The following MAP3K7 variants were observed in gnomAD, a reference collection of about 807,000 sequenced individuals.
The protein encoded by MAP3K7 is TGF-beta activated kinase 1.
In MAP3K7, 21 loss-of-function variants were observed where a neutral mutation model predicts 84.8. The ratio of observed to expected loss-of-function variants is 0.25; its 90% confidence interval spans 0.18 to 0.36. The LOEUF is 0.36. MAP3K7 is among the 10% of genes least tolerant of loss of function. The pLI, the probability that MAP3K7 is intolerant of heterozygous loss-of-function variation, is 1.00. For synonymous variants in MAP3K7, 241 were observed against 247.7 expected (o/e 0.97, Z 0.25); for missense variants, 503 against 747.7 (o/e 0.67, Z 3.82).
At chr6:90,551,808 C>A in intron 8 of MAP3K7, 1 of 360,478 alleles carries the variant, frequency 2.8e-6, no homozygotes. Flanking sequence ...CTAATGTAAG[C>A]AAAAAGAAAA....
Position 90,541,283 on chromosome 6 carries a change from T to C in MAP3K7, c.1291+3269A>G, listed in dbSNP as rs531629474. On this transcript the variant is annotated intron_variant, in intron 12 of 16. Coordinates refer to ENST00000369329, the MANE Select transcript of MAP3K7 (RefSeq NM_145331.3). ...AATCTATTTCTTTTCTCGAAGTCCC[T>C]TCCAACTTACCAGCAAGCAAATGCA... 4.6e-5 allele frequency among the ~76,000 whole-genome samples: 7 copies of C among 152,126 alleles called. No individual in the cohort carries two copies. In the East Asian group the frequency reaches 1.4e-3, roughly 29 times the overall value.
chr6:90,555,150 C>T (rs1401613536), intron 6 of MAP3K7, among the ~76,000 whole-genome samples: 2 of 152,138 alleles, frequency 1.3e-5, no homozygotes, highest in Non-Finnish European at 2.9e-5. Flanking sequence ...AATTTACAGA[C>T]AACTCTTTTA....
intron 8 of MAP3K7, chr6:90,551,529 C>G (rs1047801589): frequency 1.3e-5 from 2 of 152,052 alleles, no homozygotes. Flanking sequence ...GAAAGTTTAA[C>G]TTTTTACTGG....
intron 5 of MAP3K7, among the ~76,000 whole-genome samples, chr6:90,557,910 A>G (rs904143352): frequency 1.1e-4 from 16 of 152,226 alleles, no homozygotes; most frequent in Non-Finnish European, 4.4e-5. Context: ...ATACAAGCAC[A>G]AGCACAACTT....
At chr6:90,552,802 A>C (rs973500420) in intron 7 of MAP3K7, among the ~76,000 whole-genome samples, 5 of 152,248 alleles carry the variant, frequency 3.3e-5, no homozygotes, top group Non-Finnish European at 7.3e-5. Context: ...GAAACAGGAC[A>C]GATGCAAGGA....
intron 6 of MAP3K7, 56 bp downstream of exon 6, chr6:90,556,444 T>A (rs1026523138): frequency 6.4e-7 from 1 of 1,561,158 alleles, no homozygotes; most frequent in East Asian, 2.3e-5. Flanking sequence ...TAAAAACATA[T>A]GAATTCACAA....
intron 14 of MAP3K7, among the ~76,000 whole-genome samples, chr6:90,521,772 T>C (rs1233274414): frequency 6.6e-6 from 1 of 151,910 alleles, no homozygotes; most frequent in African/African-American, 2.4e-5. Context: ...CTAGATCCTC[T>C]CAGTATGTGT....
intron 1 of MAP3K7, among the ~76,000 whole-genome samples, chr6:90,580,492 A>G (rs28667774): frequency 6.6e-6 from 1 of 152,248 alleles, no homozygotes; most frequent in South Asian, 2.1e-4. Flanking sequence ...TTTGTTTTTT[A>G]AAATTTTTTA....
intron 3 of MAP3K7, among the ~76,000 whole-genome samples, chr6:90,565,154 G>A (rs1004798699): frequency 1.3e-5 from 2 of 152,002 alleles, no homozygotes; most frequent in Non-Finnish European, 2.9e-5. Flanking sequence ...AAGAACTAGA[G>A]AAGCAAGAGC....
chr6:90,527,050 T>G (rs1775344409), intron 13 of MAP3K7, among the ~76,000 whole-genome samples: 2 of 152,172 alleles, frequency 1.3e-5, no homozygotes, highest in African/African-American at 4.8e-5. Flanking sequence ...TAAAAACCAT[T>G]TAAAAAGTTT....
chr6:90,573,785 A>T lies in MAP3K7; in HGVS notation c.121-1978T>A, dbSNP rs757406291. ...CAGCTTCTGTTCATCAGTGGCTTAA[A>T]GGAAATGGGGCTGCCTCTAGGCAAA... On this transcript the variant is annotated intron_variant, in intron 1 of 16. Coordinates refer to ENST00000369329, the MANE Select transcript of MAP3K7 (RefSeq NM_145331.3). Among the ~76,000 whole-genome samples the T allele has an allele frequency of 3.6e-4, 55 of 152,260 alleles. 1 individual carries two copies. Among genetic ancestry groups the T allele is most frequent in the Non-Finnish European group, 1.0e-4 (7 of 68,050 alleles).
At chr6:90,555,829 A>T (rs1214669678) in intron 6 of MAP3K7, among the ~76,000 whole-genome samples, 2 of 152,132 alleles carry the variant, frequency 1.3e-5, no homozygotes, top group Admixed American at 1.3e-4. Flanking sequence ...CACCTTATTC[A>T]TATATACTGT....
chr6:90,558,531 G>C (rs1776408457), intron 5 of MAP3K7, among the ~76,000 whole-genome samples: 1 of 152,058 alleles, frequency 6.6e-6, no homozygotes, highest in African/African-American at 2.4e-5. Context: ...CAATCATGGA[G>C]AGGCCTGGAA....
In MAP3K7 at chr6:90,587,014, CG is replaced by C; in HGVS notation, c.-132del. The C allele has an allele frequency of 1.7e-6, 2 of 1,158,204 alleles. No homozygotes were observed. The highest frequency in any genetic ancestry group is 1.1e-6 in the Non-Finnish European group (1 of 876,804). 71.7% of individuals were successfully genotyped at this position (1,158,204 alleles called of 1,614,324 possible). On this transcript the variant is annotated 5_prime_UTR_variant, in exon 1 of 17. Coordinates refer to ENST00000369329, the MANE Select transcript of MAP3K7 (RefSeq NM_145331.3). ...AGTCCTACTACCCGGCGATCCGTGG[CG>C]GGGGTAGAGGCAGCGGCCACAGCCG...
chr6:90,544,700 T>A, intron 11 of MAP3K7, 68 bp from the exon 12 acceptor site: 1 of 1,259,960 alleles, frequency 7.9e-7, no homozygotes, highest in Non-Finnish European at 1.2e-6. Context: ...AATGATTAAC[T>A]ACAAAAATAG....
chr6:90,521,248 AGTT>A lies in MAP3K7; in HGVS notation c.1463-1932_1463-1930del, dbSNP rs544389588. On this transcript the variant is annotated intron_variant, in intron 14 of 16. Coordinates refer to ENST00000369329, the MANE Select transcript of MAP3K7 (RefSeq NM_145331.3). ...ACAGATCGGAAGATTATTTAATGAA[AGTT>A]TTTTGCGTGTGTGTGTGTGTGTGTG... 1.4e-3 allele frequency among the ~76,000 whole-genome samples: 176 copies of A among 125,466 alleles called. 1 individual carries two copies. Among genetic ancestry groups the A allele is most frequent in the African/African-American group, 4.9e-3 (154 of 31,498 alleles). 82.3% of individuals were successfully genotyped at this position (125,466 alleles called of 152,430 possible).
At chr6:90,530,157 C>A (rs748560480) in intron 13 of MAP3K7, among the ~76,000 whole-genome samples, 34 of 152,168 alleles carry the variant, frequency 2.2e-4, no homozygotes, top group Non-Finnish European at 4.0e-4. Flanking sequence ...AAATCAAAGG[C>A]ATTTTTCCTT....
intron 1 of MAP3K7, among the ~76,000 whole-genome samples, chr6:90,583,236 T>A (rs1374176925): frequency 1.3e-5 from 2 of 152,160 alleles, no homozygotes; most frequent in African/African-American, 2.4e-5. Context: ...GAATGTTCAT[T>A]AAATGCTCAG....
intron 14 of MAP3K7, among the ~76,000 whole-genome samples, chr6:90,522,517 C>T (rs1364487077): frequency 1.3e-5 from 2 of 152,046 alleles, no homozygotes; most frequent in Admixed American, 6.6e-5. Flanking sequence ...AGAGCATTGC[C>T]CTGTCTACCA....
Sources: allele counts gnomAD v4.1 joint callset (sites outside exome capture counted in the v4.1 genomes callset), GRCh38; gene constraint gnomAD v4.1.1; transcripts MANE v1.5; gene names NCBI Gene and HGNC (gene_info 2026-07-23, HGNC 2026-07-21).